SLC4A7: variants seen among roughly 807,000 people sequenced by gnomAD.
SLC4A7 encodes the protein solute carrier family 4 member 7, also known as sodium bicarbonate cotransporter 3.
SLC4A7 carries 51 observed loss-of-function variants against 137.6 expected under a neutral mutation model. The ratio of observed to expected loss-of-function variants is 0.37; its 90% CI spans 0.30 to 0.47. The LOEUF is 0.47. SLC4A7 is among the 20% of genes least tolerant of loss of function. SLC4A7 has a pLI of 1.00. For synonymous variants in SLC4A7, 542 were observed against 518.6 expected, an observed-to-expected ratio of 1.05 and a Z score of -0.61; for missense variants, 1,247 against 1,525.4, an observed-to-expected ratio of 0.82 and a Z score of 3.04.
chr3:27,409,224 G>T, intron 13 of SLC4A7, 132 bp downstream of exon 13: 1 of 634,256 alleles, frequency 1.6e-6, no homozygotes, highest in Non-Finnish European at 2.6e-6. Context: ...TTTGGGGAAA[G>T]TCTGCTTTGG....
At chr3:27,480,790 T>C (rs1281985167) in intron 1 of SLC4A7, among the ~76,000 whole-genome samples, 2 of 152,136 alleles carry the variant, frequency 1.3e-5, no homozygotes. Context: ...TTCTAATGAC[T>C]ATTTTTTTTT....
chr3:27,451,155 T>C (rs1451723001), intron 2 of SLC4A7, among the ~76,000 whole-genome samples: 1 of 151,854 alleles, frequency 6.6e-6, no homozygotes, highest in Non-Finnish European at 1.5e-5. Flanking sequence ...AAAAAAATCG[T>C]TTAGAGTTTA....
At chr3:27,461,828 G>C (rs998155885) in intron 1 of SLC4A7, among the ~76,000 whole-genome samples, 1 of 151,698 alleles carries the variant, frequency 6.6e-6, no homozygotes, top group South Asian at 2.1e-4. Context: ...CGGGCACTGT[G>C]GCATGCTCCT....
intron 1 of SLC4A7, among the ~76,000 whole-genome samples, chr3:27,467,065 T>A (rs1239512815): frequency 1.3e-5 from 2 of 152,162 alleles, no homozygotes; most frequent in African/African-American, 2.4e-5. Context: ...CCCAAATATG[T>A]GAAAGAAACT....
In SLC4A7 at chr3:27,376,157, T is replaced by A. The variant is rs544444187; in HGVS notation, c.*607A>T. The stretch of plus-strand genomic sequence containing the variant: ...ACCTAGATATGAAGGTTTTAAGATT[T>A]AAAAAAAATTTAAACATAAAAGTTA... On this transcript the variant is annotated 3_prime_UTR_variant, in exon 26 of 26. Coordinates refer to ENST00000454389, the MANE Select transcript of SLC4A7 (RefSeq NM_001321103.2). The A allele has an allele frequency of 4.6e-5, 7 of 152,102 alleles. No individual in the cohort carries two copies. Among genetic ancestry groups the A allele is most frequent in the African/African-American group, 1.7e-4 (7 of 41,540 alleles). 9.4% of individuals were successfully genotyped at this position (152,102 alleles called of 1,614,324 possible).
At chr3:27,481,993 T>G (rs2059730165) in intron 1 of SLC4A7, among the ~76,000 whole-genome samples, 1 of 151,890 alleles carries the variant, frequency 6.6e-6, no homozygotes, top group Non-Finnish European at 1.5e-5. Flanking sequence ...ATTAGCCGAG[T>G]ATGGTGGCAC....
chr3:27,418,627 G>T lies in SLC4A7; in HGVS notation c.1518C>A (p.Phe506Leu). ...SIATLMTDEIFHDVAYKAKDR... is the reference protein window; with the variant it reads ...SIATLMTDEILHDVAYKAKDR... Reference sequence around the variant, plus strand: ...CTTTTGCTTTATAAGCTACATCATGGAAAATCTAAGTGAAAAAAATATTGA... The same window carrying T: ...CTTTTGCTTTATAAGCTACATCATGTAAAATCTAAGTGAAAAAAATATTGA... The change falls in exon 11 of 26, where the codon TTC (phenylalanine) becomes TTA (leucine). Residue 506 changes from phenylalanine (F) to leucine (L), a missense_variant. Phe to Leu is a conservative substitution (Grantham distance 22, BLOSUM62 0). Around this residue, in one of 6 missense-constraint regions of SLC4A7, gnomAD observed 499 missense variants for 664.2 expected, o/e 0.75. Coordinates refer to ENST00000454389, the MANE Select transcript of SLC4A7 (RefSeq NM_001321103.2). The T allele has an allele frequency of 6.4e-7, 1 of 1,570,314 alleles. No homozygotes were observed. The highest frequency in any genetic ancestry group is 8.7e-7 in the Non-Finnish European group (1 of 1,153,330).
chr3:27,460,756 G>A (rs1332878303), intron 1 of SLC4A7, among the ~76,000 whole-genome samples: 19 of 152,128 alleles, frequency 1.2e-4, no homozygotes, highest in Admixed American at 6.5e-5. Flanking sequence ...TACTCGATAC[G>A]TATTTTGGAT....
intron 3 of SLC4A7, among the ~76,000 whole-genome samples, chr3:27,439,992 C>T (rs1280513965): frequency 6.6e-6 from 1 of 152,148 alleles, no homozygotes; most frequent in Non-Finnish European, 1.5e-5. Context: ...AGTTGTATTG[C>T]TTTTCTCCTT....
chr3:27,415,305 A>G (rs1409594759), intron 11 of SLC4A7, among the ~76,000 whole-genome samples: 1 of 152,210 alleles, frequency 6.6e-6, no homozygotes, highest in Non-Finnish European at 1.5e-5. Context: ...CCAATCCAGA[A>G]AAAGGGCTCT....
Position 27,484,063 on chromosome 3 carries a change from T to A in SLC4A7, c.60+4A>T. The A allele has an allele frequency of 7.1e-7, 1 of 1,403,818 alleles. No homozygotes were observed. The highest frequency in any genetic ancestry group is 1.5e-5 in the South Asian group (1 of 68,534). The allele number at this position is 1,403,818 out of a possible 1,614,324, so 87.0% of individuals were successfully genotyped here. A position where few individuals can be genotyped will look rare whatever the true frequency, so the allele number is the denominator to read the frequency against. On this transcript the variant is annotated splice_donor_region_variant and intron_variant, in intron 1 of 25. Coordinates refer to ENST00000454389, the MANE Select transcript of SLC4A7 (RefSeq NM_001321103.2). Reference sequence around the variant, plus strand: ...GAGGAGCCCCACCGCCGCGGCGCCCTCACCCTGCTCGTTACCCGGGTGAGT... The same window carrying A: ...GAGGAGCCCCACCGCCGCGGCGCCCACACCCTGCTCGTTACCCGGGTGAGT...
intron 13 of SLC4A7, among the ~76,000 whole-genome samples, chr3:27,406,459 C>G (rs754673568): frequency 3.3e-5 from 5 of 152,072 alleles, no homozygotes; most frequent in Non-Finnish European, 5.9e-5. Flanking sequence ...TATCTTTTGG[C>G]AGCATAAAGG....
Position 27,478,546 on chromosome 3 carries a change from G to A in SLC4A7, c.60+5521C>T, listed in dbSNP as rs925311846. Among the ~76,000 whole-genome samples the A allele has an allele frequency of 2.4e-4, 35 of 146,136 alleles. 1 individual carries two copies. The highest frequency in any genetic ancestry group is 2.1e-4 in the Admixed American group (3 of 14,624). ...AAAAAAAAAACCCAACAACATTAAA[G>A]CATCCTCCCTATTTCACAATTAACA... On this transcript the variant is annotated intron_variant, in intron 1 of 25. Transcript: ENST00000454389.
At chr3:27,392,858 A>C (rs1439408021) in intron 20 of SLC4A7, among the ~76,000 whole-genome samples, 4 of 152,086 alleles carry the variant, frequency 2.6e-5, no homozygotes, top group Non-Finnish European at 5.9e-5. Flanking sequence ...GCTAGGAAAA[A>C]GAAATAAGAA....
At chr3:27,449,767 C>T (rs1386281429) in intron 2 of SLC4A7, among the ~76,000 whole-genome samples, 1 of 152,144 alleles carries the variant, frequency 6.6e-6, no homozygotes, top group Non-Finnish European at 1.5e-5. Context: ...AGTACAAGGT[C>T]AACTAATCTG....
chr3:27,381,433 G>C (rs1456677670), intron 24 of SLC4A7, among the ~76,000 whole-genome samples: 1 of 152,122 alleles, frequency 6.6e-6, no homozygotes, highest in African/African-American at 2.4e-5. Flanking sequence ...AGTATTTCTA[G>C]AACCCAGCAA....
At chr3:27,397,489 A>G (rs1226461869) in intron 18 of SLC4A7, among the ~76,000 whole-genome samples, 195 bp downstream of exon 18, 1 of 152,056 alleles carries the variant, frequency 6.6e-6, no homozygotes, top group Non-Finnish European at 1.5e-5. Flanking sequence ...TTTTAAGTTC[A>G]CATGTCTCTT....
chr3:27,403,721 C>T (rs939712884), intron 14 of SLC4A7, among the ~76,000 whole-genome samples: 1 of 152,056 alleles, frequency 6.6e-6, no homozygotes, highest in East Asian at 1.9e-4. Context: ...GAGTAAATGA[C>T]AGGTATGGTG....
At chr3:27,384,069 G>A (rs1193873775) in intron 23 of SLC4A7, among the ~76,000 whole-genome samples, 2 of 152,156 alleles carry the variant, frequency 1.3e-5, no homozygotes, top group Non-Finnish European at 2.9e-5. Context: ...GGCGGTGATC[G>A]ATAGGACAGT....
Sources: allele counts gnomAD v4.1 joint callset (sites outside exome capture counted in the v4.1 genomes callset), GRCh38; gene constraint gnomAD v4.1.1; regional missense constraint gnomAD v4.1.1; transcripts MANE v1.5; gene names NCBI Gene and HGNC (gene_info 2026-07-23, HGNC 2026-07-21).